The following CFAP54 variants were observed in gnomAD, a reference collection of about 807,000 sequenced individuals.
The protein encoded by CFAP54 is cilia and flagella associated protein 54.
Under a neutral mutation model 370.4 loss-of-function variants are expected in CFAP54, and 290 were observed. That is an observed-to-expected ratio of 0.78 (90% CI 0.71 to 0.86). CFAP54 has a LOEUF of 0.86. Ranked by LOEUF, CFAP54 falls within the 40% of genes least tolerant of loss-of-function variation. The pLI is 0.00. For synonymous variants in CFAP54, 1,206 were observed against 1,236.5 expected (o/e 0.98, Z 0.52); for missense variants, 3,399 against 3,528.7 (o/e 0.96, Z 0.93).
chr12:96,718,215 C>T (rs1001048782), intron 48 of CFAP54, among the ~76,000 whole-genome samples: 10 of 151,912 alleles, frequency 6.6e-5, no homozygotes, highest in Non-Finnish European at 1.0e-4. Context: ...AAAAATTAGC[C>T]GGGCATGGTG....
At position 96,651,573 on chromosome 12, in the gene CFAP54, TTG is replaced by T. The variant is rs1956857759; in HGVS notation, c.4873-11_4873-10del. On this transcript the variant is annotated splice_polypyrimidine_tract_variant and intron_variant, in intron 35 of 67. Transcript: ENST00000524981. ...TTGGAACTTTGGGATCTTTTAAATT[TTG>T]TGTTTGTCATAGGTTCTTGCTCATC... is the stretch of plus-strand genomic sequence containing the variant. 1 of 1,602,720 alleles carries T rather than the reference TTG, an allele frequency of 6.2e-7. No individual in the cohort carries two copies. Among genetic ancestry groups the T allele is most frequent in the Non-Finnish European group, 8.5e-7 (1 of 1,172,952 alleles).
At chr12:96,693,186 T>C (rs1957404211) in intron 44 of CFAP54, among the ~76,000 whole-genome samples, 1 of 152,238 alleles carries the variant, frequency 6.6e-6, no homozygotes, top group South Asian at 2.1e-4. Flanking sequence ...GATTTTGTTC[T>C]CATTCAACGG....
At chr12:96,681,027 G>A (rs1012091716) in intron 40 of CFAP54, among the ~76,000 whole-genome samples, 1 of 152,074 alleles carries the variant, frequency 6.6e-6, no homozygotes, top group Non-Finnish European at 1.5e-5. Context: ...AGGTTGCAGT[G>A]AGCCGAGATT....
intron 46 of CFAP54, among the ~76,000 whole-genome samples, chr12:96,703,022 G>A (rs891568480): frequency 1.3e-4 from 20 of 151,678 alleles, no homozygotes; most frequent in African/African-American, 4.6e-4. Flanking sequence ...TTTCCCCTTG[G>A]ATTCAGTTAC....
intron 14 of CFAP54, among the ~76,000 whole-genome samples, chr12:96,543,144 A>G (rs915415098): frequency 6.6e-6 from 1 of 152,234 alleles, no homozygotes; most frequent in African/African-American, 2.4e-5. Flanking sequence ...ATCAGGAGGC[A>G]CACAATGCCT....
At chr12:96,822,432 G>A (rs1227072712) in intron 65 of CFAP54, among the ~76,000 whole-genome samples, 1 of 152,136 alleles carries the variant, frequency 6.6e-6, no homozygotes, top group Admixed American at 6.5e-5. Flanking sequence ...TTAAAGTACT[G>A]TGAGAACACA....
chr12:96,756,442 C>T lies in CFAP54; in HGVS notation c.7841-16C>T. 1 of 1,474,648 alleles carries T rather than the reference C, an allele frequency of 6.8e-7. No homozygotes were observed. The highest frequency in any genetic ancestry group is 9.3e-7 in the Non-Finnish European group (1 of 1,076,968). 91.3% of individuals were successfully genotyped at this position (1,474,648 alleles called of 1,614,324 possible). A position where few individuals can be genotyped will look rare whatever the true frequency, so the allele number is the denominator to read the frequency against. ...GAAAAAGGAAAAACCATCTTTGTAT[C>T]TTTTTCTTCTTTCAGGCAAAATAGA... On this transcript the variant is annotated splice_polypyrimidine_tract_variant and intron_variant, in intron 56 of 67. Coordinates refer to ENST00000524981, the MANE Select transcript of CFAP54 (RefSeq NM_001306084.2).
At chr12:96,761,813 T>C (rs1958342702) in intron 58 of CFAP54, among the ~76,000 whole-genome samples, 1 of 152,228 alleles carries the variant, frequency 6.6e-6, no homozygotes, top group Non-Finnish European at 1.5e-5. Context: ...AAATGTTTAT[T>C]CCTGGATTTT....
chr12:96,666,710 C>G (rs1301349030), intron 39 of CFAP54, among the ~76,000 whole-genome samples: 1 of 152,154 alleles, frequency 6.6e-6, no homozygotes, highest in Non-Finnish European at 1.5e-5. Context: ...ATTATGGAAG[C>G]TACAATTCAA....
rs1250605645 is a variant in CFAP54 at position 96,688,527 on chromosome 12, C to T, written c.6015-389C>T. ...GGAGATTCATATTTTTATGTTATGG[C>T]ACATCTGTATGATAAAACATTAAAG... On this transcript the variant is annotated intron_variant, in intron 42 of 67. Transcript: ENST00000524981. Among the ~76,000 whole-genome samples the T allele has an allele frequency of 2.0e-5, 3 of 152,064 alleles. No homozygotes were observed. In the East Asian group the frequency reaches 5.8e-4, roughly 29 times the overall value.
At chr12:96,518,394 A>G (rs1389891480) in intron 5 of CFAP54, among the ~76,000 whole-genome samples, 1 of 152,194 alleles carries the variant, frequency 6.6e-6, no homozygotes, top group African/African-American at 2.4e-5. Flanking sequence ...GGCTTATAAT[A>G]AGACAAGACA....
At chr12:96,733,321 T>A (rs1161262872) in intron 50 of CFAP54, among the ~76,000 whole-genome samples, 3 of 152,178 alleles carry the variant, frequency 2.0e-5, no homozygotes, top group Non-Finnish European at 4.4e-5. Context: ...CTTTTTTAAA[T>A]GATGGTTAGC....
At chr12:96,829,548 G>A (rs773164579) in intron 66 of CFAP54, among the ~76,000 whole-genome samples, 41 of 152,042 alleles carry the variant, frequency 2.7e-4, no homozygotes, top group Non-Finnish European at 5.0e-4. Context: ...TTACGTATTT[G>A]TTGTGTCAGG....
At chr12:96,681,574 CT>C (rs1334947155) in intron 40 of CFAP54, among the ~76,000 whole-genome samples, 259 of 147,246 alleles carry the variant, frequency 1.8e-3, no homozygotes, top group African/African-American at 5.7e-3. Flanking sequence ...CTCTGTAGTG[CT>C]TTTTTTTTTG....
chr12:96,688,957 G>A lies in CFAP54; in HGVS notation c.6056G>A (p.Cys2019Tyr), dbSNP rs753437546. 1.3e-6 allele frequency: 2 copies of A among 1,582,428 alleles called. No homozygotes were observed. The highest frequency in any genetic ancestry group is 1.7e-6 in the Non-Finnish European group (2 of 1,167,670). ...AATGTTGAAAAGAAAACTGACTGTT[G>A]CATTTTGTCTGCGTTACTCTTTCAG... Reference protein sequence around the residue: ...SLNVEKKTDCCILSALLFQGL... With the variant: ...SLNVEKKTDCYILSALLFQGL... Residue 2019 changes from cysteine to tyrosine, a missense_variant, in exon 43 of 68, where the codon TGC becomes TAC. Transcript: ENST00000524981.
chr12:96,599,647 C>G (rs934345091), intron 26 of CFAP54, among the ~76,000 whole-genome samples: 2 of 152,110 alleles, frequency 1.3e-5, no homozygotes, highest in African/African-American at 4.8e-5. Flanking sequence ...CGTTGTATTT[C>G]TCCACACCTT....
intron 8 of CFAP54, among the ~76,000 whole-genome samples, chr12:96,526,763 A>G (rs938497037): frequency 1.3e-5 from 2 of 152,092 alleles, no homozygotes; most frequent in African/African-American, 4.8e-5. Context: ...GCAGCATGAT[A>G]TCTCTAATGA....
chr12:96,506,589 C>CTTTTTTT (rs71068809), intron 3 of CFAP54, among the ~76,000 whole-genome samples: 1 of 130,890 alleles, frequency 7.6e-6, no homozygotes, highest in African/African-American at 2.9e-5. Flanking sequence ...CTTTTCTTTT[C>CTTTTTTT]TTTTTTTTTT....
chr12:96,707,429 G>A (rs1424322875), intron 47 of CFAP54, among the ~76,000 whole-genome samples: 2 of 152,154 alleles, frequency 1.3e-5, no homozygotes, highest in Non-Finnish European at 2.9e-5. Flanking sequence ...GCCATCAGTG[G>A]ATTTGACCAG....
Sources: gnomAD v4.1 joint callset for allele counts (sites outside exome capture counted in the v4.1 genomes callset) on GRCh38, gnomAD v4.1.1 for gene constraint, MANE v1.5 for transcripts, NCBI Gene and HGNC (gene_info 2026-07-23, HGNC 2026-07-21) for gene names.